The following TTC6 variants were observed in gnomAD, a reference collection of about 807,000 sequenced individuals.
The protein encoded by TTC6 is tetratricopeptide repeat protein 6.
In TTC6, 172 loss-of-function variants were observed where a neutral mutation model predicts 210.4. The ratio of observed to expected loss-of-function variants is 0.82; its 90% CI spans 0.72 to 0.93. The LOEUF is 0.93. Ranked by LOEUF, TTC6 falls within the 40% of genes least tolerant of loss-of-function variation. The pLI is 0.00. For synonymous variants in TTC6, 804 were observed against 819.6 expected, an observed-to-expected ratio of 0.98 and a Z score of 0.32; for missense variants, 2,414 against 2,318.1, an observed-to-expected ratio of 1.04 and a Z score of -0.85.
At chr14:37,704,040 A>G (rs796306469) in intron 5 of TTC6, among the ~76,000 whole-genome samples, 1 of 152,274 alleles carries the variant, frequency 6.6e-6, no homozygotes, top group African/African-American at 2.4e-5. Flanking sequence ...TCTTCATTCA[A>G]GATTGTTTGT....
intron 17 of TTC6, among the ~76,000 whole-genome samples, chr14:37,794,572 C>T (rs117889642): frequency 0.013 from 1,939 of 152,148 alleles, 19 homozygotes; most frequent in Middle Eastern, 0.061. Flanking sequence ...GTTTACTTTT[C>T]GTTACATATT....
At chr14:37,645,364 G>C (rs1252621284) in intron 1 of TTC6, among the ~76,000 whole-genome samples, 1 of 152,216 alleles carries the variant, frequency 6.6e-6, no homozygotes, top group African/African-American at 2.4e-5. Flanking sequence ...TTCTTGCAAT[G>C]TAATTGGGTG....
chr14:37,612,753 G>GT (rs2095636713), intron 2 of TTC6, among the ~76,000 whole-genome samples: 2 of 152,118 alleles, frequency 1.3e-5, no homozygotes, highest in Non-Finnish European at 2.9e-5. Context: ...AGGCACTAGT[G>GT]TAAGTGGAAT....
chr14:37,778,260 G>T (rs917616507), intron 14 of TTC6, among the ~76,000 whole-genome samples: 1 of 152,140 alleles, frequency 6.6e-6, no homozygotes, highest in Non-Finnish European at 1.5e-5. Flanking sequence ...TTGTGGCAGG[G>T]TTGGGTAGGG....
Position 37,622,721 on chromosome 14 carries a change from C to T in TTC6, c.657C>T (p.Ser219=), listed in dbSNP as rs577255624. The T allele has an allele frequency of 2.4e-5, 37 of 1,535,000 alleles. No individual in the cohort carries two copies. In the South Asian group the frequency reaches 4.2e-4, roughly 17 times the overall value. ...AGGACGGCTACATGGAGGCCAGCAG[C>T]GGGCGGAGGAAAGTGAGGATCCGCA... The change falls in exon 1 of 31, where the codon AGC becomes AGT. Residue 219 remains serine, a synonymous_variant. Transcript: ENST00000553443.
intron 1 of TTC6, among the ~76,000 whole-genome samples, chr14:37,643,289 C>A (rs1486383030): frequency 6.6e-6 from 1 of 152,150 alleles, no homozygotes. Context: ...GCCTGGGTGA[C>A]ACAGTAAGAC....
At chr14:37,769,115 C>T (rs956132701) in intron 14 of TTC6, among the ~76,000 whole-genome samples, 45 of 150,890 alleles carry the variant, frequency 3.0e-4, no homozygotes, top group Admixed American at 1.4e-3. Flanking sequence ...TATTGATTTG[C>T]GTATATTGAA....
chr14:37,763,852 GT>G (rs1382701932), intron 14 of TTC6, among the ~76,000 whole-genome samples: 4 of 151,104 alleles, frequency 2.6e-5, no homozygotes, highest in Non-Finnish European at 5.9e-5. Flanking sequence ...TTTAGGTTTA[GT>G]TTTCTTTTAT....
intron 1 of TTC6, among the ~76,000 whole-genome samples, chr14:37,646,479 A>G (rs1433561951): frequency 1.3e-5 from 2 of 152,182 alleles, no homozygotes; most frequent in Non-Finnish European, 2.9e-5. Flanking sequence ...GGAAAAAAGA[A>G]AGTAATACAA....
At chr14:37,757,347 G>A (rs1010153616) in intron 14 of TTC6, among the ~76,000 whole-genome samples, 3 of 151,878 alleles carry the variant, frequency 2.0e-5, no homozygotes, top group South Asian at 2.1e-4. Flanking sequence ...TGCAAGCTCC[G>A]CCTCCCAGGT....
intron 1 of TTC6, among the ~76,000 whole-genome samples, chr14:37,660,955 A>G (rs1347266237): frequency 2.0e-5 from 3 of 152,102 alleles, no homozygotes; most frequent in Non-Finnish European, 4.4e-5. Flanking sequence ...AGCCTTTTTC[A>G]TATGTTTGCT....
At chr14:37,782,525 G>C (rs1250519384) in intron 14 of TTC6, among the ~76,000 whole-genome samples, 2 of 151,890 alleles carry the variant, frequency 1.3e-5, no homozygotes, top group Non-Finnish European at 2.9e-5. Context: ...AGGAGATTTT[G>C]GGCTGAGACG....
chr14:37,721,981 G>T (rs1348936367), intron 6 of TTC6, among the ~76,000 whole-genome samples: 2 of 147,502 alleles, frequency 1.4e-5, no homozygotes, highest in Non-Finnish European at 3.0e-5. Context: ...AGTGAAAAAG[G>T]CAAATAATCT....
At chr14:37,823,405 T>A (rs1338271900) in intron 26 of TTC6, among the ~76,000 whole-genome samples, 1 of 152,168 alleles carries the variant, frequency 6.6e-6, no homozygotes, top group Non-Finnish European at 1.5e-5. Context: ...GTAGCATATG[T>A]TTTTCTATAC....
rs2096035451 is a variant in TTC6 at position 37,775,797 on chromosome 14, C to T, written c.3267-11671C>T. Among the ~76,000 whole-genome samples, 3 of 152,106 alleles carry T rather than the reference C, an allele frequency of 2.0e-5. No homozygotes were observed. The South Asian group carries it at 6.2e-4, about 32-fold the overall frequency. On this transcript the variant is annotated intron_variant, in intron 14 of 30. Transcript: ENST00000553443. ...AAGAACTTGCTTTATGAATCTAGGT[C>T]TCCTATGTTGGGTGCATATATTTTT...
At chr14:37,757,636 C>A (rs552201704) in intron 14 of TTC6, among the ~76,000 whole-genome samples, 2 of 152,260 alleles carry the variant, frequency 1.3e-5, no homozygotes, top group African/African-American at 4.8e-5. Context: ...AAAAAACCAA[C>A]TCCTGGATTC....
At chr14:37,681,714 T>G (rs1269783833) in intron 2 of TTC6, among the ~76,000 whole-genome samples, 1 of 152,114 alleles carries the variant, frequency 6.6e-6, no homozygotes, top group African/African-American at 2.4e-5. Context: ...TGGGGGCTTT[T>G]GGGCCTTTGG....
intron 5 of TTC6, 94 bp downstream of exon 7, chr14:37,701,620 G>T (rs913607151): frequency 8.5e-7 from 1 of 1,171,690 alleles, no homozygotes. Context: ...ACTTGATTCT[G>T]TTCTTGGACA....
At chr14:37,723,278 T>A (rs897952889) in intron 6 of TTC6, among the ~76,000 whole-genome samples, 22 of 152,114 alleles carry the variant, frequency 1.4e-4, no homozygotes, top group Non-Finnish European at 2.8e-4. Flanking sequence ...TATTGGGGAA[T>A]ATAATTAAAA....
Sources: allele counts gnomAD v4.1 joint callset (sites outside exome capture counted in the v4.1 genomes callset), GRCh38; gene constraint gnomAD v4.1.1; transcripts MANE v1.5; gene names NCBI Gene and HGNC (gene_info 2026-07-23, HGNC 2026-07-21).